Variants in PRIM2 observed in about 807,000 individuals in gnomAD.
PRIM2 encodes DNA primase large subunit.
Under a neutral mutation model 67.3 loss-of-function variants are expected in PRIM2, and 39 were observed. The observed-to-expected ratio is 0.58, with a 90% CI of 0.45 to 0.76. PRIM2 has a LOEUF of 0.76. Ranked by LOEUF, PRIM2 falls within the 30% of genes least tolerant of loss-of-function variation. PRIM2 has a pLI of 0.00. For synonymous variants in PRIM2, 143 were observed against 198.7 expected, an observed-to-expected ratio of 0.72 and a Z score of 2.36; for missense variants, 398 against 598.7, an observed-to-expected ratio of 0.66 and a Z score of 3.50.
chr6:57,389,555 T>A (rs1221064950), intron 7 of PRIM2, among the ~76,000 whole-genome samples: 3 of 152,194 alleles, frequency 2.0e-5, no homozygotes, highest in Non-Finnish European at 2.9e-5. Context: ...AGGAAGATAA[T>A]TGAAAGGCAG....
chr6:57,471,580 AG>A (rs1773338727), intron 7 of PRIM2, among the ~76,000 whole-genome samples: 1 of 152,228 alleles, frequency 6.6e-6, no homozygotes, highest in African/African-American at 2.4e-5. Flanking sequence ...CATTGGTGGT[AG>A]TCACTGCTGT....
intron 7 of PRIM2, among the ~76,000 whole-genome samples, chr6:57,415,637 G>T (rs368479975): frequency 6.6e-6 from 1 of 152,154 alleles, no homozygotes; most frequent in Non-Finnish European, 1.5e-5. Flanking sequence ...CAACCATTCA[G>T]TGTGCTGCAT....
At chr6:57,339,393 G>T (rs918028178) in intron 5 of PRIM2, among the ~76,000 whole-genome samples, 1 of 151,938 alleles carries the variant, frequency 6.6e-6, no homozygotes, top group African/African-American at 2.4e-5. Flanking sequence ...AGCCCGCATC[G>T]CCAAGTCAAT....
chr6:57,311,231 A>G (rs112146196), upstream of PRIM2, among the ~76,000 whole-genome samples: 66 of 137,832 alleles, frequency 4.8e-4, no homozygotes, highest in Non-Finnish European at 7.7e-4. Flanking sequence ...GGCGCTCCTC[A>G]CCTCCCGGAC....
chr6:57,424,645 C>G (rs1771562841), intron 7 of PRIM2, among the ~76,000 whole-genome samples: 1 of 152,094 alleles, frequency 6.6e-6, no homozygotes, highest in South Asian at 2.1e-4. Flanking sequence ...CTTAAAAACA[C>G]AATACTGGTC....
At chr6:57,259,833 G>A in the PRIM2 span, among the ~76,000 whole-genome samples, 1 of 152,150 alleles carries the variant, frequency 6.6e-6, no homozygotes, top group African/African-American at 2.4e-5. Context: ...TCAGCTGAAG[G>A]GCACTGCTTT....
At chr6:57,433,819 A>G (rs761512340) in intron 7 of PRIM2, among the ~76,000 whole-genome samples, 1 of 152,180 alleles carries the variant, frequency 6.6e-6, no homozygotes. Flanking sequence ...CAAATTTCCT[A>G]AAGCTTGAAT....
chr6:57,299,116 A>G, the PRIM2 span, among the ~76,000 whole-genome samples: 3 of 151,438 alleles, frequency 2.0e-5, no homozygotes, highest in Non-Finnish European at 2.9e-5. Context: ...GTTTGAGGGG[A>G]AGGTAGGAGT....
chr6:57,476,408 G>T (rs1443563733), intron 7 of PRIM2, among the ~76,000 whole-genome samples: 2 of 152,144 alleles, frequency 1.3e-5, no homozygotes, highest in African/African-American at 4.8e-5. Context: ...ACCCTGATAA[G>T]CTTTACATAA....
At chr6:57,643,560 T>A (rs1777284320) in intron 13 of PRIM2, among the ~76,000 whole-genome samples, 1 of 152,252 alleles carries the variant, frequency 6.6e-6, no homozygotes, top group African/African-American at 2.4e-5. Context: ...TTACAAACTG[T>A]AAAGCCTTCT....
chr6:57,618,508 A>G (rs2127496311), intron 12 of PRIM2, among the ~76,000 whole-genome samples: 1 of 152,304 alleles, frequency 6.6e-6, no homozygotes, highest in East Asian at 1.9e-4. Context: ...AGACACCCCA[A>G]ATACTCTGGG....
chr6:57,453,264 T>C (rs565694207), intron 7 of PRIM2, among the ~76,000 whole-genome samples: 1 of 152,222 alleles, frequency 6.6e-6, no homozygotes, highest in African/African-American at 2.4e-5. Flanking sequence ...CACTTTGCAA[T>C]GTGGGTTCTC....
At chr6:57,517,608 A>G (rs1774513090) in intron 8 of PRIM2, among the ~76,000 whole-genome samples, 2 of 152,176 alleles carry the variant, frequency 1.3e-5, no homozygotes, top group East Asian at 1.9e-4. Flanking sequence ...GTAGTTCCAT[A>G]TTGTATTTGA....
intron 8 of PRIM2, among the ~76,000 whole-genome samples, chr6:57,531,900 T>C (rs1774899209): frequency 6.6e-6 from 1 of 152,144 alleles, no homozygotes; most frequent in African/African-American, 2.4e-5. Flanking sequence ...AAACAGTGAT[T>C]GCTTTATGTC....
intron 10 of PRIM2, among the ~76,000 whole-genome samples, chr6:57,539,948 C>T (rs1775111033): frequency 2.0e-5 from 3 of 150,500 alleles, no homozygotes; most frequent in African/African-American, 4.9e-5. Context: ...GAGCTGAGAT[C>T]GCACCACTGC....
Position 57,386,217 on chromosome 6 carries a change from C to T in PRIM2, c.693+4049C>T, listed in dbSNP as rs963826149. Among the ~76,000 whole-genome samples the T allele has an allele frequency of 2.4e-4, 36 of 150,740 alleles. 1 individual carries two copies. In the Middle Eastern group the frequency reaches 0.014, roughly 57 times the overall value. On this transcript the variant is annotated intron_variant, in intron 7 of 13. Transcript: ENST00000615550. ...CCTGGGCAACATAGTGAGAATCAGT[C>T]TCTACTAAAAACAACAACAACAACA...
chr6:57,342,946 C>T (rs1028613780), intron 5 of PRIM2, among the ~76,000 whole-genome samples: 3 of 152,114 alleles, frequency 2.0e-5, no homozygotes, highest in Admixed American at 6.6e-5. Flanking sequence ...TTTCTTTTAT[C>T]TTAGAAATTA....
chr6:57,302,273 A>G, the PRIM2 span, among the ~76,000 whole-genome samples: 1 of 152,212 alleles, frequency 6.6e-6, no homozygotes, highest in East Asian at 1.9e-4. Context: ...AAGTTTGAAT[A>G]TGGATAGAGA....
intron 7 of PRIM2, among the ~76,000 whole-genome samples, chr6:57,465,326 A>C (rs1773147837): frequency 6.6e-6 from 1 of 152,184 alleles, no homozygotes; most frequent in African/African-American, 2.4e-5. Flanking sequence ...AGCTAGTGAC[A>C]CAAAGAAGTT....
Sources: allele counts gnomAD v4.1 joint callset (sites outside exome capture counted in the v4.1 genomes callset), GRCh38; gene constraint gnomAD v4.1.1; transcripts MANE v1.5; gene names NCBI Gene and HGNC (gene_info 2026-07-23, HGNC 2026-07-21).